RETREG1: variants seen among roughly 807,000 people sequenced by gnomAD.
The protein encoded by RETREG1 is reticulophagy regulator 1, also known as family with sequence similarity 134 member B.
RETREG1 carries 44 observed loss-of-function variants against 54.8 expected under a neutral mutation model. The observed-to-expected ratio is 0.80, with a 90% CI of 0.63 to 1.03. The LOEUF (loss-of-function observed/expected upper bound fraction) is 1.03, where lower values mean the gene tolerates loss of function less well. Among genes scored for constraint, RETREG1 ranks in the 50% least tolerant of loss-of-function variants. The pLI, the probability that RETREG1 is intolerant of heterozygous loss-of-function variation, is 0.00. For synonymous variants in RETREG1, 217 were observed against 238.5 expected, an observed-to-expected ratio of 0.91 and a Z score of 0.83; for missense variants, 554 against 605.1, an observed-to-expected ratio of 0.92 and a Z score of 0.89.
In RETREG1 at chr5:16,483,352, A is replaced by C; in HGVS notation, c.579T>G (p.Pro193=). Residue 193 remains proline, a synonymous_variant, in exon 4 of 9, where the codon CCT becomes CCG. Transcript: ENST00000306320. ...QEMSLFKQQS[P]GKFCLLVCSV... ...CCTTTACTGGAAAACTTGCCTTGCCAGGGCTCTGCTGTTTAAAAAGAGACA... is the reference window on the plus strand; with the variant it reads ...CCTTTACTGGAAAACTTGCCTTGCCCGGGCTCTGCTGTTTAAAAAGAGACA... 1.2e-6 allele frequency: 2 copies of C among 1,613,290 alleles called. No individual in the cohort carries two copies. The highest frequency in any genetic ancestry group is 1.7e-4 in the Middle Eastern group (1 of 6,056).
At chr5:16,571,887 A>AT in intron 2 of RETREG1, 109 bp downstream of exon 2, 2 of 767,924 alleles carry the variant, frequency 2.6e-6, no homozygotes, top group Non-Finnish European at 4.5e-6. Flanking sequence ...GTCAATGCCT[A>AT]TATTTGCTTC....
At chr5:16,572,464 C>T (rs1241862328) in intron 1 of RETREG1, among the ~76,000 whole-genome samples, 5 of 152,082 alleles carry the variant, frequency 3.3e-5, no homozygotes, top group South Asian at 2.1e-4. Flanking sequence ...CCACCCACCT[C>T]GGCCTCCCAA....
rs560426114 is a variant in RETREG1 at position 16,514,253 on chromosome 5, T to C, written c.459-30781A>G. ...GAGCCATCTCCCTCCCACATTCTTA[T>C]TTTTAACCTAGAAGGAATGAAGTGT... On this transcript the variant is annotated intron_variant, in intron 3 of 8. Coordinates refer to ENST00000306320, the MANE Select transcript of RETREG1 (RefSeq NM_001034850.3). Among the ~76,000 whole-genome samples the C allele has an allele frequency of 1.5e-4, 23 of 152,204 alleles. No individual in the cohort carries two copies. The East Asian group carries it at 4.5e-3, about 30-fold the overall frequency.
chr5:16,484,271 C>T (rs1738931933), intron 3 of RETREG1, among the ~76,000 whole-genome samples: 2 of 152,134 alleles, frequency 1.3e-5, no homozygotes, highest in Admixed American at 6.5e-5. Context: ...CATGTAAATA[C>T]ATGTCATTCC....
intron 1 of RETREG1, among the ~76,000 whole-genome samples, chr5:16,614,131 C>G (rs1743424932): frequency 6.6e-6 from 1 of 152,176 alleles, no homozygotes; most frequent in African/African-American, 2.4e-5. Context: ...GTTTTCCTCT[C>G]CGTCAGTATA....
chr5:16,525,255 CTGGCCCCAACAGGTGGATGTG>C (rs1561104592), intron 3 of RETREG1, among the ~76,000 whole-genome samples: 29 of 147,618 alleles, frequency 2.0e-4, no homozygotes, highest in Middle Eastern at 3.9e-3. Flanking sequence ...CCTGCATCCT[CTGGCCCCAACAGGTGGATGTG>C]CGCGGGGGGA....
At chr5:16,606,796 G>C (rs1053338623) in intron 1 of RETREG1, among the ~76,000 whole-genome samples, 1 of 152,108 alleles carries the variant, frequency 6.6e-6, no homozygotes, top group South Asian at 2.1e-4. Flanking sequence ...CCCAGCTGGT[G>C]CCTCGCCCCA....
intron 4 of RETREG1, 125 bp downstream of exon 4, chr5:16,483,221 G>C: frequency 2.7e-6 from 3 of 1,102,856 alleles, no homozygotes; most frequent in Non-Finnish European, 4.1e-6. Flanking sequence ...CAGCTTTTAT[G>C]GCATATGTTC....
At chr5:16,496,795 A>C (rs1739479554) in intron 3 of RETREG1, among the ~76,000 whole-genome samples, 1 of 152,210 alleles carries the variant, frequency 6.6e-6, no homozygotes, top group African/African-American at 2.4e-5. Flanking sequence ...CACACAACTC[A>C]AATGGTAGAA....
chr5:16,485,497 C>A (rs1335148381), intron 3 of RETREG1, among the ~76,000 whole-genome samples: 13 of 152,108 alleles, frequency 8.5e-5, no homozygotes, highest in African/African-American at 3.1e-4. Context: ...ATGAATAGTA[C>A]TTTGTACAGA....
At chr5:16,510,869 C>G (rs185899414) in intron 3 of RETREG1, among the ~76,000 whole-genome samples, 1 of 147,798 alleles carries the variant, frequency 6.8e-6, no homozygotes, top group East Asian at 2.0e-4. Flanking sequence ...GGCTAATTCT[C>G]TTATCTAACT....
chr5:16,540,389 C>T (rs1447037755), intron 3 of RETREG1, among the ~76,000 whole-genome samples: 1 of 152,196 alleles, frequency 6.6e-6, no homozygotes, highest in African/African-American at 2.4e-5. Context: ...CACAGGAATA[C>T]CCACCTTCGG....
intron 1 of RETREG1, among the ~76,000 whole-genome samples, chr5:16,587,693 T>C (rs1039868926): frequency 6.6e-6 from 1 of 152,198 alleles, no homozygotes; most frequent in Non-Finnish European, 1.5e-5. Flanking sequence ...ATTGATGGCA[T>C]TGCCACAGCT....
At chr5:16,543,630 C>T (rs185173516) in intron 3 of RETREG1, among the ~76,000 whole-genome samples, 3 of 150,660 alleles carry the variant, frequency 2.0e-5, no homozygotes, top group East Asian at 2.0e-4. Context: ...GAGCCGAGAT[C>T]GCGCCATTGC....
chr5:16,616,440 G>A (rs1180262793), intron 1 of RETREG1: 7 of 885,398 alleles, frequency 7.9e-6, no homozygotes, highest in East Asian at 3.1e-5. Context: ...TCCGCACACG[G>A]AGAACGACAA....
chr5:16,607,522 G>A (rs1743225700), intron 1 of RETREG1, among the ~76,000 whole-genome samples: 1 of 152,010 alleles, frequency 6.6e-6, no homozygotes, highest in Non-Finnish European at 1.5e-5. Context: ...GCTGAGGCAG[G>A]AGAATCGCTT....
chr5:16,517,584 T>C (rs554208677), intron 3 of RETREG1, among the ~76,000 whole-genome samples: 68 of 152,254 alleles, frequency 4.5e-4, no homozygotes, highest in African/African-American at 1.4e-3. Flanking sequence ...CCAAGTCCCA[T>C]CAACCCTAAC....
intron 3 of RETREG1, among the ~76,000 whole-genome samples, chr5:16,562,894 C>T (rs764015843): frequency 5.3e-5 from 8 of 151,688 alleles, no homozygotes; most frequent in Non-Finnish European, 1.0e-4. Context: ...CTAAGGAAAT[C>T]GGAATAAAGC....
At chr5:16,591,836 T>C (rs1423010047) in intron 1 of RETREG1, among the ~76,000 whole-genome samples, 1 of 152,126 alleles carries the variant, frequency 6.6e-6, no homozygotes, top group Non-Finnish European at 1.5e-5. Context: ...TGAAAAACAA[T>C]GCAGGGAACA....
Sources: allele counts gnomAD v4.1 joint callset (sites outside exome capture counted in the v4.1 genomes callset), GRCh38; gene constraint gnomAD v4.1.1; transcripts MANE v1.5; gene names NCBI Gene and HGNC (gene_info 2026-07-23, HGNC 2026-07-21).